The following DSE variants were observed in gnomAD, a reference collection of about 807,000 sequenced individuals.
The protein encoded by DSE is dermatan-sulfate epimerase.
DSE carries 36 observed loss-of-function variants against 84.4 expected under a neutral mutation model. The ratio of observed to expected loss-of-function variants is 0.43; its 90% CI spans 0.33 to 0.56. The LOEUF (loss-of-function observed/expected upper bound fraction) is 0.56, where lower values mean the gene tolerates loss of function less well. Ranked by LOEUF, DSE falls within the 20% of genes least tolerant of loss-of-function variation. The pLI is 0.06. For missense variants in DSE, 862 were observed against 1,169.6 expected (o/e 0.74, Z 3.84); for synonymous variants, 410 against 430.1 (o/e 0.95, Z 0.58).
intron 2 of DSE, among the ~76,000 whole-genome samples, chr6:116,342,104 G>T (rs1439946226): frequency 6.6e-6 from 1 of 152,032 alleles, no homozygotes; most frequent in African/African-American, 2.4e-5. Flanking sequence ...TTTAGCATTT[G>T]GGGACAACCA....
At chr6:116,373,603 C>T (rs1162983699) in intron 1 of DSE, among the ~76,000 whole-genome samples, 1 of 152,192 alleles carries the variant, frequency 6.6e-6, no homozygotes, top group East Asian at 1.9e-4. Flanking sequence ...CAGAAACAAG[C>T]TAATACAGTT....
intron 2 of DSE, among the ~76,000 whole-genome samples, chr6:116,296,239 A>G (rs1774657467): frequency 6.6e-6 from 1 of 152,200 alleles, no homozygotes; most frequent in Non-Finnish European, 1.5e-5. Flanking sequence ...ATCATATCTA[A>G]TACAATGTAA....
In DSE at chr6:116,303,931, C is replaced by T. The variant is rs866414371; in HGVS notation, c.-54+44964C>T. On this transcript the variant is annotated intron_variant, in intron 2 of 3. Transcript: ENST00000430252. ...TGGGCAGATCACAAGGTCAGGAGAT[C>T]GAGACCATCCTGGCTAATATGGTGA... 2.7e-4 allele frequency among the ~76,000 whole-genome samples: 41 copies of T among 151,892 alleles called. 1 individual carries two copies. Among genetic ancestry groups the T allele is most frequent in the South Asian group, 2.5e-3 (12 of 4,806 alleles).
At chr6:116,285,542 GT>G (rs1429775792) in intron 2 of DSE, among the ~76,000 whole-genome samples, 1 of 152,092 alleles carries the variant, frequency 6.6e-6, no homozygotes, top group African/African-American at 2.4e-5. Flanking sequence ...CCATTTGTCA[GT>G]TTTGGCTTTT....
intron 2 of DSE, among the ~76,000 whole-genome samples, chr6:116,307,248 A>G (rs1026818407): frequency 2.0e-5 from 3 of 152,156 alleles, no homozygotes. Context: ...GACCACTCCA[A>G]TCATTCATTA....
intron 2 of DSE, among the ~76,000 whole-genome samples, chr6:116,420,532 G>A (rs991432508): frequency 1.3e-5 from 2 of 152,150 alleles, no homozygotes; most frequent in African/African-American, 2.4e-5. Context: ...CAGGAACAGA[G>A]CTCTCACCAA....
Position 116,279,815 on chromosome 6 carries a change from C to T in DSE, c.-54+20848C>T, listed in dbSNP as rs1773393949. On this transcript the variant is annotated intron_variant, in intron 2 of 3. Transcript: ENST00000430252. Reference sequence around the variant, plus strand: ...TGGAGGGGAGTGGTCCTCTTGACCCCATCCAGGCCGCTCATGTTGCTAACA... The same window carrying T: ...TGGAGGGGAGTGGTCCTCTTGACCCTATCCAGGCCGCTCATGTTGCTAACA... The T allele has an allele frequency of 1.2e-6, 2 of 1,613,058 alleles. No individual in the cohort carries two copies. Among genetic ancestry groups the T allele is most frequent in the African/African-American group, 1.3e-5 (1 of 75,054 alleles).
chr6:116,382,773 A>G (rs1347990282), intron 1 of DSE, among the ~76,000 whole-genome samples: 1 of 152,156 alleles, frequency 6.6e-6, no homozygotes, highest in African/African-American at 2.4e-5. Flanking sequence ...GTGTGGCAAG[A>G]GAGAAATTTT....
chr6:116,339,368 A>G (rs968763224), intron 2 of DSE, among the ~76,000 whole-genome samples: 3 of 151,116 alleles, frequency 2.0e-5, no homozygotes, highest in African/African-American at 7.3e-5. Context: ...AAAGTAGCCA[A>G]TTTTTTTCAC....
chr6:116,351,935 C>T (rs1778334033), intron 2 of DSE, among the ~76,000 whole-genome samples: 2 of 152,144 alleles, frequency 1.3e-5, no homozygotes, highest in Non-Finnish European at 2.9e-5. Flanking sequence ...TTTTATCATG[C>T]ACCTTTCTAG....
intron 2 of DSE, among the ~76,000 whole-genome samples, chr6:116,354,452 G>A (rs561554192): frequency 1.3e-5 from 2 of 152,246 alleles, no homozygotes; most frequent in East Asian, 3.9e-4. Context: ...GAGAGTGGGT[G>A]GAGGGTTTGT....
chr6:116,385,568 G>T (rs753428982), intron 1 of DSE, among the ~76,000 whole-genome samples: 1 of 152,128 alleles, frequency 6.6e-6, no homozygotes, highest in Non-Finnish European at 1.5e-5. Flanking sequence ...GGCAGGATTA[G>T]TTGCCAGTAA....
At chr6:116,258,004 T>C (rs1383336718) in intron 1 of DSE, among the ~76,000 whole-genome samples, 2 of 152,168 alleles carry the variant, frequency 1.3e-5, no homozygotes, top group Non-Finnish European at 2.9e-5. Flanking sequence ...TCATCAGATA[T>C]AACATTTATT....
At chr6:116,301,960 T>A (rs1775068234) in intron 2 of DSE, among the ~76,000 whole-genome samples, 1 of 152,224 alleles carries the variant, frequency 6.6e-6, no homozygotes, top group African/African-American at 2.4e-5. Context: ...GCAAAGGACA[T>A]GAAGCCATCC....
chr6:116,384,425 G>C (rs549567312), intron 1 of DSE, among the ~76,000 whole-genome samples: 2 of 152,336 alleles, frequency 1.3e-5, no homozygotes, highest in African/African-American at 2.4e-5. Context: ...ATGGGATGGC[G>C]AAAGTTGGGG....
intron 2 of DSE, among the ~76,000 whole-genome samples, chr6:116,409,567 A>C (rs960082448): frequency 1.4e-4 from 22 of 152,186 alleles, no homozygotes; most frequent in East Asian, 3.9e-4. Context: ...GCGTGAGCCA[A>C]CACGCCCGGC....
At chr6:116,425,747 C>T (rs1386502988) in intron 2 of DSE, among the ~76,000 whole-genome samples, 2 of 151,078 alleles carry the variant, frequency 1.3e-5, no homozygotes, top group Non-Finnish European at 3.0e-5. Flanking sequence ...CTCAGCCTCC[C>T]AAGTAGCTGG....
At chr6:116,389,461 G>A (rs1780759794) in intron 1 of DSE, among the ~76,000 whole-genome samples, 1 of 151,986 alleles carries the variant, frequency 6.6e-6, no homozygotes, top group Non-Finnish European at 1.5e-5. Flanking sequence ...GAGACAAATA[G>A]CATTTTATTT....
At chr6:116,387,342 A>G (rs949286044) in intron 1 of DSE, among the ~76,000 whole-genome samples, 8 of 152,232 alleles carry the variant, frequency 5.3e-5, no homozygotes, top group African/African-American at 1.9e-4. Flanking sequence ...AATGAAAGAA[A>G]AAGGATAGGG....
Sources: gnomAD v4.1 joint callset for allele counts (sites outside exome capture counted in the v4.1 genomes callset) on GRCh38, gnomAD v4.1.1 for gene constraint, MANE v1.5 for transcripts, NCBI Gene and HGNC (gene_info 2026-07-23, HGNC 2026-07-21) for gene names.